Variants in AOAH observed in about 807,000 individuals in gnomAD.
AOAH encodes acyloxyacyl hydrolase.
Under a neutral mutation model 92.2 loss-of-function variants are expected in AOAH, and 64 were observed. The observed-to-expected ratio is 0.69, with a 90% CI of 0.57 to 0.86. The LOEUF (loss-of-function observed/expected upper bound fraction) is 0.86. Ranked by LOEUF, AOAH falls within the 40% of genes least tolerant of loss-of-function variation. The pLI is 0.00. For missense variants in AOAH, 656 were observed against 694.6 expected (o/e 0.94, Z 0.62); for synonymous variants, 263 against 254.5 (o/e 1.03, Z -0.32).
At position 36,521,431 on chromosome 7, in the gene AOAH, T is replaced by A. The variant is rs1784102235; in HGVS notation, c.1599+608A>T. 2.0e-5 allele frequency among the ~76,000 whole-genome samples: 3 copies of A among 152,192 alleles called. No individual in the cohort carries two copies. In the South Asian group the frequency reaches 6.2e-4, roughly 31 times the overall value. On this transcript the variant is annotated intron_variant, in intron 20 of 20. Coordinates refer to ENST00000617537, the MANE Select transcript of AOAH (RefSeq NM_001637.4). Reference sequence around the variant, plus strand: ...TCTGGTTGAAGCCAGGATAATGGGATGGGAGTGGAGCCGGGAGGGGACAGA... The same window carrying A: ...TCTGGTTGAAGCCAGGATAATGGGAAGGGAGTGGAGCCGGGAGGGGACAGA...
At position 36,532,197 on chromosome 7, in the gene AOAH, AG is replaced by A. The variant is rs1271843001; in HGVS notation, c.1374del (p.Cys459AlafsTer26). 1.9e-6 allele frequency: 3 copies of A among 1,614,116 alleles called. No homozygotes were observed. The Admixed American group carries it at 5.0e-5, about 27-fold the overall frequency. On this transcript the variant is annotated frameshift_variant, in exon 18 of 21. Coordinates refer to ENST00000617537, the MANE Select transcript of AOAH (RefSeq NM_001637.4). LOFTEE classifies it high-confidence loss of function. ...TTGTTGGAAGACATCCAGCCGTGGC[AG>A]GGGCTGACCTGAGAGCGGGAAAACA... Reference protein sequence around the residue: ...YSFLNCLQVSPCHGWMSSNKT... With the variant: ...YSFLNCLQVSXCHGWMSSNKT...
intron 12 of AOAH, among the ~76,000 whole-genome samples, chr7:36,578,438 G>A (rs1583862959): frequency 6.6e-6 from 1 of 152,288 alleles, no homozygotes; most frequent in Admixed American, 6.5e-5. Flanking sequence ...AATCAACAAA[G>A]ACTTGAGGTG....
chr7:36,645,084 G>A (rs11769628), intron 4 of AOAH, among the ~76,000 whole-genome samples: 24,832 of 152,124 alleles, frequency 0.16, 2,238 homozygotes, highest in Middle Eastern at 0.23. Context: ...CTGGAGGAGG[G>A]AAGTGCATAA....
intron 2 of AOAH, among the ~76,000 whole-genome samples, chr7:36,678,549 C>T (rs1796403553): frequency 2.6e-5 from 2 of 77,776 alleles, no homozygotes; most frequent in South Asian, 5.7e-4. Flanking sequence ...GTAAGATAAG[C>T]AGTGTGTGTG....
intron 13 of AOAH, among the ~76,000 whole-genome samples, chr7:36,561,210 T>A (rs576806761): frequency 6.6e-6 from 1 of 152,076 alleles, no homozygotes; most frequent in East Asian, 1.9e-4. Context: ...CCCAGCTAAT[T>A]TTTGTATTTT....
At chr7:36,594,902 C>T (rs1269737061) in intron 11 of AOAH, among the ~76,000 whole-genome samples, 1 of 152,078 alleles carries the variant, frequency 6.6e-6, no homozygotes, top group African/African-American at 2.4e-5. Flanking sequence ...TTGGGGGTCT[C>T]AGACATTTTT....
intron 18 of AOAH, 141 bp from the exon 19 acceptor site, chr7:36,530,655 G>T: frequency 1.7e-6 from 1 of 590,480 alleles, no homozygotes; most frequent in South Asian, 2.2e-5. Flanking sequence ...CAGCAGCTCT[G>T]CACATTAAAT....
chr7:36,696,387 T>A (rs1170492760), intron 1 of AOAH, among the ~76,000 whole-genome samples: 1 of 152,228 alleles, frequency 6.6e-6, no homozygotes, highest in African/African-American at 2.4e-5. Context: ...TTAACACTAT[T>A]GAATCATGAC....
chr7:36,659,036 T>C (rs980905309), intron 4 of AOAH, 130 bp downstream of exon 4: 1 of 757,008 alleles, frequency 1.3e-6, no homozygotes, highest in African/African-American at 1.7e-5. Flanking sequence ...TGCGGGGTAA[T>C]TGAAAATGTC....
At position 36,679,579 on chromosome 7, in the gene AOAH, TTATATG is replaced by T. The variant is rs1269929882; in HGVS notation, c.224-5576_224-5571del. On this transcript the variant is annotated intron_variant, in intron 2 of 20. Coordinates refer to ENST00000617537, the MANE Select transcript of AOAH (RefSeq NM_001637.4). ...TTATATGTATAATATGTATACATTA[TTATATG>T]TATAATATGTATACATTATTACATA... Among the ~76,000 whole-genome samples the T allele has an allele frequency of 3.2e-4, 49 of 150,870 alleles. 2 individuals are homozygous for T. The highest frequency in any genetic ancestry group is 1.5e-5 in the Non-Finnish European group (1 of 67,772).
intron 1 of AOAH, among the ~76,000 whole-genome samples, chr7:36,706,230 T>C (rs545978671): frequency 5.3e-4 from 80 of 152,288 alleles, no homozygotes; most frequent in African/African-American, 1.9e-3. Flanking sequence ...AGCTACAGAA[T>C]AGATGTTGTG....
chr7:36,632,079 A>C lies in AOAH; in HGVS notation c.478T>G (p.Cys160Gly). The C allele has an allele frequency of 6.2e-7, 1 of 1,613,256 alleles. No individual in the cohort carries two copies. The stretch of plus-strand genomic sequence containing the variant: ...ATCTTGGCCAAAACCGGGAGTGAAC[A>C]AATGTCAGAACCACTTCTAGAATAT... ...LKYSRSGSDI[C>G]SLPVLAKICQ... Residue 160 changes from cysteine (C) to glycine (G), a missense_variant, in exon 6 of 21, where the codon TGT becomes GGT. Cys to Gly is a radical substitution (Grantham distance 159). Coordinates refer to ENST00000617537, the MANE Select transcript of AOAH (RefSeq NM_001637.4).
rs764892072 is a variant in AOAH at position 36,618,283 on chromosome 7, T to A, written c.751+14A>T. ...ATCTATCATTATAACCACAATGACA[T>A]CCACAATTCATACCTTCACAGAATT... On this transcript the variant is annotated intron_variant, in intron 10 of 20. Transcript: ENST00000617537. The A allele has an allele frequency of 1.9e-5, 30 of 1,610,486 alleles. No individual in the cohort carries two copies. In the Middle Eastern group the frequency reaches 4.9e-4, roughly 27 times the overall value.
intron 11 of AOAH, among the ~76,000 whole-genome samples, chr7:36,604,737 G>A (rs952213135): frequency 1.3e-5 from 2 of 152,174 alleles, no homozygotes; most frequent in Non-Finnish European, 2.9e-5. Flanking sequence ...GCCCTGGACT[G>A]CTTCCCTCTG....
At chr7:36,590,626 A>AT (rs1050557255) in intron 12 of AOAH, among the ~76,000 whole-genome samples, 4 of 152,344 alleles carry the variant, frequency 2.6e-5, no homozygotes, top group Admixed American at 1.3e-4. Flanking sequence ...CACAAGGCAC[A>AT]TTTTCCAAAG....
intron 4 of AOAH, among the ~76,000 whole-genome samples, chr7:36,647,237 G>A (rs1488357068): frequency 2.0e-5 from 3 of 152,244 alleles, no homozygotes; most frequent in Admixed American, 2.0e-4. Context: ...GATGAATCAT[G>A]GAAGAACTGG....
rs954881355 is a variant in AOAH, at chr7:36,563,061, C to G, written c.1021+13513G>C. Among the ~76,000 whole-genome samples, 54 of 137,506 alleles carry G rather than the reference C, an allele frequency of 3.9e-4. 1 individual carries two copies. The highest frequency in any genetic ancestry group is 4.6e-5 in the Non-Finnish European group (3 of 65,546). The allele number at this position is 137,506 out of a possible 152,430, so 90.2% of individuals were successfully genotyped here. A position where few individuals can be genotyped will look rare whatever the true frequency, so the allele number is the denominator to read the frequency against. On this transcript the variant is annotated intron_variant, in intron 13 of 20. Transcript: ENST00000617537. ...ACTCAGGAGGCTGAGGCAGGAGAAT[C>G]ACTTGAAACCAGAAGGCGGAGGTTG...
chr7:36,576,844 T>C (rs1221573000), intron 12 of AOAH, among the ~76,000 whole-genome samples, 188 bp from the exon 13 acceptor site: 1 of 152,198 alleles, frequency 6.6e-6, no homozygotes, highest in Admixed American at 6.5e-5. Flanking sequence ...AGCAGTTCTA[T>C]GAAATTGAGT....
At chr7:36,664,745 A>T (rs1233962522) in intron 3 of AOAH, among the ~76,000 whole-genome samples, 1 of 152,212 alleles carries the variant, frequency 6.6e-6, no homozygotes, top group Non-Finnish European at 1.5e-5. Context: ...TGGGCAATTT[A>T]TAAAGAAAAG....
Sources: allele counts gnomAD v4.1 joint callset (sites outside exome capture counted in the v4.1 genomes callset), GRCh38; gene constraint gnomAD v4.1.1; transcripts MANE v1.5; gene names NCBI Gene and HGNC (gene_info 2026-07-23, HGNC 2026-07-21).